ASCC3: variants seen among roughly 807,000 people sequenced by gnomAD.
ASCC3 encodes ASC-1 complex subunit P200.
Under a neutral mutation model 256.3 loss-of-function variants are expected in ASCC3, and 158 were observed. The ratio of observed to expected loss-of-function variants is 0.62; its 90% CI spans 0.54 to 0.70. ASCC3 has a LOEUF of 0.70. Among genes scored for constraint, ASCC3 ranks in the 30% least tolerant of loss-of-function variants. The pLI, the probability that ASCC3 is intolerant of heterozygous loss-of-function variation, is 0.00. For missense variants in ASCC3, 2,259 were observed against 2,626.0 expected (o/e 0.86, Z 3.05); for synonymous variants, 948 against 883.4 (o/e 1.07, Z -1.30).
intron 3 of ASCC3, among the ~76,000 whole-genome samples, chr6:100,853,418 T>C (rs35432469): frequency 0.022 from 2,200 of 99,314 alleles, 95 homozygotes; most frequent in Middle Eastern, 0.036. Context: ...TGATAAATAT[T>C]CCTTTTTTTT....
intron 10 of ASCC3, among the ~76,000 whole-genome samples, chr6:100,763,606 A>G (rs929826756): frequency 2.6e-5 from 4 of 152,170 alleles, no homozygotes; most frequent in Non-Finnish European, 5.9e-5. Flanking sequence ...AAGGGTAGAC[A>G]ACAAGGGAAT....
intron 14 of ASCC3, among the ~76,000 whole-genome samples, chr6:100,678,650 A>G: frequency 6.6e-6 from 1 of 152,162 alleles, no homozygotes; most frequent in South Asian, 2.1e-4. Flanking sequence ...TACGTTATAT[A>G]TATATATAAA....
At chr6:100,813,616 G>A (rs1770594366) in intron 4 of ASCC3, among the ~76,000 whole-genome samples, 1 of 151,884 alleles carries the variant, frequency 6.6e-6, no homozygotes, top group South Asian at 2.1e-4. Flanking sequence ...CATTATACAG[G>A]GCGTCTGTGT....
chr6:100,621,491 T>A (rs1773948824), intron 30 of ASCC3, among the ~76,000 whole-genome samples: 2 of 152,074 alleles, frequency 1.3e-5, no homozygotes, highest in African/African-American at 4.8e-5. Flanking sequence ...GAAAAAAGGC[T>A]CAGCATCACT....
intron 3 of ASCC3, among the ~76,000 whole-genome samples, chr6:100,851,322 TG>T (rs1772656606): frequency 6.6e-6 from 1 of 152,210 alleles, no homozygotes; most frequent in South Asian, 2.1e-4. Context: ...AATCAAATAG[TG>T]GAAGAACAGC....
At chr6:100,761,116 G>C (rs769720046) in intron 10 of ASCC3, among the ~76,000 whole-genome samples, 1 of 152,144 alleles carries the variant, frequency 6.6e-6, no homozygotes, top group Non-Finnish European at 1.5e-5. Flanking sequence ...TTAACTATAA[G>C]AGAACAATAA....
Position 100,509,450 on chromosome 6 carries a change from G to C in ASCC3, c.6545C>G (p.Ala2182Gly), listed in dbSNP as rs1027283314. 1 of 1,614,164 alleles carries C rather than the reference G, an allele frequency of 6.2e-7. No individual in the cohort carries two copies. The highest frequency in any genetic ancestry group is 8.5e-7 in the Non-Finnish European group (1 of 1,180,016). The change falls in exon 42 of 42, where the codon GCG becomes GGG. Residue 2182 changes from alanine to glycine, a missense_variant. Around this residue, in one of 2 missense-constraint regions of ASCC3, gnomAD observed 1,839 missense variants for 2,206.7 expected, o/e 0.83. Coordinates refer to ENST00000369162, the MANE Select transcript of ASCC3 (RefSeq NM_006828.4). ...GGTGTTGACCTGTGCAGAAAGACTC[G>C]CTTGTGTAACGTTGAGATAGATGTC... ...QYDIYLNVTQ[A>G]SLSAQVNTKV...
intron 13 of ASCC3, among the ~76,000 whole-genome samples, chr6:100,687,989 A>G (rs1777664449): frequency 6.6e-6 from 1 of 151,534 alleles, no homozygotes; most frequent in African/African-American, 2.4e-5. Context: ...GAAATCATTC[A>G]TTTCAAGGCT....
At chr6:100,852,030 G>C (rs776696742) in intron 3 of ASCC3, among the ~76,000 whole-genome samples, 14 of 152,304 alleles carry the variant, frequency 9.2e-5, no homozygotes, top group African/African-American at 3.1e-4. Context: ...TAAGAGACTG[G>C]CTGTTAGCAC....
intron 4 of ASCC3, among the ~76,000 whole-genome samples, chr6:100,831,020 G>C (rs1418457599): frequency 6.6e-6 from 1 of 152,056 alleles, no homozygotes; most frequent in African/African-American, 2.4e-5. Context: ...GATCAAACTA[G>C]TTTTCAATTT....
At chr6:100,510,186 G>A in intron 40 of ASCC3, 79 bp from the exon 41 acceptor site, 1 of 1,485,738 alleles carries the variant, frequency 6.7e-7, no homozygotes. Flanking sequence ...AGGCTACGTT[G>A]TCTTACTTGA....
chr6:100,570,605 A>T (rs1770538721), intron 36 of ASCC3, among the ~76,000 whole-genome samples: 1 of 151,940 alleles, frequency 6.6e-6, no homozygotes, highest in Admixed American at 6.6e-5. Flanking sequence ...CAATGTCTAC[A>T]TGCTAGCATT....
chr6:100,581,969 C>T (rs1771303855), intron 36 of ASCC3, among the ~76,000 whole-genome samples: 2 of 152,108 alleles, frequency 1.3e-5, no homozygotes, highest in South Asian at 4.1e-4. Context: ...CAGTACCATG[C>T]TGTTTTGGTT....
intron 8 of ASCC3, among the ~76,000 whole-genome samples, chr6:100,792,688 T>C (rs536609806): frequency 6.6e-6 from 1 of 152,102 alleles, no homozygotes; most frequent in East Asian, 1.9e-4. Flanking sequence ...TTTAAGGTTC[T>C]ATCTAAGAAT....
intron 14 of ASCC3, among the ~76,000 whole-genome samples, chr6:100,678,616 T>C (rs1777142227): frequency 6.6e-6 from 1 of 152,004 alleles, no homozygotes; most frequent in Non-Finnish European, 1.5e-5. Context: ...CTAGCAGCTG[T>C]TCAGTAACCA....
At chr6:100,830,090 T>C (rs1771549191) in intron 4 of ASCC3, among the ~76,000 whole-genome samples, 2 of 152,066 alleles carry the variant, frequency 1.3e-5, no homozygotes, top group Admixed American at 1.3e-4. Context: ...TGTTTATTTC[T>C]GGAACTTATA....
At chr6:100,699,748 G>A (rs769846085) in intron 13 of ASCC3, among the ~76,000 whole-genome samples, 3 of 152,092 alleles carry the variant, frequency 2.0e-5, no homozygotes, top group Non-Finnish European at 4.4e-5. Context: ...CTTAGATGGA[G>A]ATGAGGAACT....
chr6:100,861,905 T>C (rs1419493344), intron 3 of ASCC3, among the ~76,000 whole-genome samples: 3 of 152,146 alleles, frequency 2.0e-5, no homozygotes, highest in Non-Finnish European at 4.4e-5. Context: ...TTTTTTTAAA[T>C]CTTAAATTCC....
intron 13 of ASCC3, among the ~76,000 whole-genome samples, chr6:100,691,707 A>G (rs1025545492): frequency 1.3e-5 from 2 of 151,924 alleles, no homozygotes; most frequent in Admixed American, 6.6e-5. Flanking sequence ...ATATAAATCA[A>G]TTGTTTTTGT....
Sources: gnomAD v4.1 joint callset for allele counts (sites outside exome capture counted in the v4.1 genomes callset) on GRCh38, gnomAD v4.1.1 for gene constraint, gnomAD v4.1.1 regional missense constraint, MANE v1.5 for transcripts, NCBI Gene and HGNC (gene_info 2026-07-23, HGNC 2026-07-21) for gene names.